Variants in C17orf67 observed in about 807,000 individuals in gnomAD.
C17orf67 encodes chromosome 17 open reading frame 67.
A neutral mutation model predicts 11.2 loss-of-function variants in C17orf67; 12 were observed. The observed-to-expected ratio is 1.07, with a 90% CI of 0.68 to 1.73. The LOEUF is 1.73. Ranked by LOEUF, C17orf67 falls within the 40% of genes most tolerant of loss-of-function variation. C17orf67 has a pLI of 0.00. For synonymous variants in C17orf67, 59 were observed against 46.9 expected (o/e 1.26, Z -1.05); for missense variants, 115 against 113.5 (o/e 1.01, Z -0.06).
At chr17:56,811,558 T>G (rs1905627316) in intron 6 of C17orf67, among the ~76,000 whole-genome samples, 1 of 150,958 alleles carries the variant, frequency 6.6e-6, no homozygotes, top group Non-Finnish European at 1.5e-5. Context: ...CTCGAGACTC[T>G]CTTCTTGCAG....
At chr17:56,826,774 A>T (rs953075078) in intron 2 of C17orf67, among the ~76,000 whole-genome samples, 3 of 152,254 alleles carry the variant, frequency 2.0e-5, no homozygotes, top group African/African-American at 7.2e-5. Flanking sequence ...GACCAAGTTA[A>T]AACAGTGATC....
chr17:56,830,083 C>G (rs1185529512), intron 2 of C17orf67, among the ~76,000 whole-genome samples: 1 of 152,100 alleles, frequency 6.6e-6, no homozygotes, highest in Non-Finnish European at 1.5e-5. Flanking sequence ...GTGGCTCACA[C>G]CTGTAATCCC....
chr17:56,828,813 TGGA>T (rs1450067760), intron 2 of C17orf67, among the ~76,000 whole-genome samples: 1 of 138,504 alleles, frequency 7.2e-6, no homozygotes, highest in East Asian at 2.1e-4. Context: ...GATTCACACA[TGGA>T]GGAGAAATGC....
At chr17:56,816,743 T>C (rs1383828299) in intron 4 of C17orf67, among the ~76,000 whole-genome samples, 1 of 152,208 alleles carries the variant, frequency 6.6e-6, no homozygotes, top group African/African-American at 2.4e-5. Flanking sequence ...TCAAGGGTAT[T>C]TTTATAAGGA....
In C17orf67 at chr17:56,795,166, G is replaced by A. The variant is rs1395953999; in HGVS notation, c.171C>T (p.His57=). Residue 57 remains histidine (H), a synonymous_variant, in exon 7 of 8, where the codon CAC becomes CAT. Coordinates refer to ENST00000397861, the MANE Select transcript of C17orf67 (RefSeq NM_001085430.4). Reference sequence around the variant, plus strand: ...CAGCGCGATGCTCCAGGGCGAGCAGGTGGTGCATGTATTCCTGTCAAAACA... The same window carrying A: ...CAGCGCGATGCTCCAGGGCGAGCAGATGGTGCATGTATTCCTGTCAAAACA... The part of the protein sequence containing the change: ...PDEPMREYMH[H]LLALEHRAEE... 2.5e-6 allele frequency: 4 copies of A among 1,614,010 alleles called. No homozygotes were observed. In the African/African-American group the frequency reaches 5.3e-5, roughly 22 times the overall value.
chr17:56,821,959 A>G lies in C17orf67; in HGVS notation c.-201+2780T>C, dbSNP rs78999354. On this transcript the variant is annotated intron_variant, in intron 4 of 7. Coordinates refer to ENST00000397861, the MANE Select transcript of C17orf67 (RefSeq NM_001085430.4). ...CAAAAAGACCTTCCCCCCGTTGGCTACTGCCCCTTCAAGCTGAGTCTCAGA... is the reference window on the plus strand; with the variant it reads ...CAAAAAGACCTTCCCCCCGTTGGCTGCTGCCCCTTCAAGCTGAGTCTCAGA... Among the ~76,000 whole-genome samples the G allele has an allele frequency of 3.3e-3, 506 of 152,348 alleles. 5 individuals are homozygous for G. Among genetic ancestry groups the G allele is most frequent in the African/African-American group, 0.012 (486 of 41,580 alleles).
At chr17:56,805,506 A>T (rs1168162569) in intron 6 of C17orf67, among the ~76,000 whole-genome samples, 1 of 152,240 alleles carries the variant, frequency 6.6e-6, no homozygotes, top group Admixed American at 6.5e-5. Context: ...TCATGTTCCC[A>T]TGATATCTCT....
At chr17:56,828,866 A>C (rs1287550233) in intron 2 of C17orf67, among the ~76,000 whole-genome samples, 13 of 152,110 alleles carry the variant, frequency 8.5e-5, no homozygotes, top group Non-Finnish European at 1.2e-4. Context: ...AAAAAAAAAA[A>C]AAAACACTGC....
intron 6 of C17orf67, among the ~76,000 whole-genome samples, chr17:56,795,949 A>G (rs1410767577): frequency 6.6e-6 from 1 of 152,254 alleles, no homozygotes; most frequent in East Asian, 1.9e-4. Flanking sequence ...AATATGTGTA[A>G]CTAAATCATG....
At chr17:56,805,254 T>C (rs565755685) in intron 6 of C17orf67, among the ~76,000 whole-genome samples, 2 of 151,986 alleles carry the variant, frequency 1.3e-5, no homozygotes, top group African/African-American at 4.8e-5. Flanking sequence ...TGAATAAGAG[T>C]TAACCAGGTA....
intron 6 of C17orf67, among the ~76,000 whole-genome samples, chr17:56,798,289 G>GT (rs5821150): frequency 1.3e-5 from 2 of 151,638 alleles, no homozygotes; most frequent in East Asian, 1.9e-4. Context: ...TTCTTGTGGG[G>GT]TTTTTTTTAT....
chr17:56,793,381 G>A lies in C17orf67; in HGVS notation c.*21-1029C>T, dbSNP rs367665802. 2.6e-5 allele frequency among the ~76,000 whole-genome samples: 4 copies of A among 152,194 alleles called. No homozygotes were observed. The East Asian group carries it at 7.7e-4, about 29-fold the overall frequency. Reference sequence around the variant, plus strand: ...TATGTAAGTGGGAGCTGCCTGGAGTGAGGCCTCTGAGGAACCCTGTGTTTG... The same window carrying A: ...TATGTAAGTGGGAGCTGCCTGGAGTAAGGCCTCTGAGGAACCCTGTGTTTG... On this transcript the variant is annotated intron_variant, in intron 7 of 7. Transcript: ENST00000397861.
rs1008490554 is a variant in C17orf67 at position 56,815,925 on chromosome 17, C to T, written c.-115G>A. 13 of 1,566,344 alleles carry T rather than the reference C, an allele frequency of 8.3e-6. No individual in the cohort carries two copies. The highest frequency in any genetic ancestry group is 1.3e-5 in the African/African-American group (1 of 74,180). ...TTTATGCTTTGACTAACGGGACTTACGGTATGATGCTGAATGTATCTGACT... is the reference window on the plus strand; with the variant it reads ...TTTATGCTTTGACTAACGGGACTTATGGTATGATGCTGAATGTATCTGACT... On this transcript the variant is annotated 5_prime_UTR_variant, in exon 5 of 8. Transcript: ENST00000397861.
At chr17:56,821,855 G>C (rs898722399) in intron 4 of C17orf67, among the ~76,000 whole-genome samples, 16 of 152,316 alleles carry the variant, frequency 1.1e-4, no homozygotes, top group Non-Finnish European at 1.9e-4. Context: ...GCAGTGGGAT[G>C]GTGGCAGACA....
chr17:56,830,453 G>A (rs1013128953), intron 2 of C17orf67, among the ~76,000 whole-genome samples: 1 of 152,124 alleles, frequency 6.6e-6, no homozygotes, highest in Non-Finnish European at 1.5e-5. Context: ...GATTCAAATA[G>A]TGGATATTTT....
chr17:56,801,221 A>T (rs2197258), intron 6 of C17orf67, among the ~76,000 whole-genome samples: 100,283 of 152,112 alleles, frequency 0.66, 33,248 homozygotes, highest in East Asian at 0.82. Flanking sequence ...CCATACAAAC[A>T]GCAGGCCAAT....
intron 6 of C17orf67, among the ~76,000 whole-genome samples, chr17:56,799,573 C>T (rs1905273794): frequency 2.0e-5 from 3 of 152,210 alleles, no homozygotes; most frequent in Admixed American, 2.0e-4. Context: ...AAGTTTTCAA[C>T]TCCTTTGGGT....
At chr17:56,794,990 G>T (rs1905181466) in intron 7 of C17orf67, 54 bp downstream of exon 7, 1 of 1,299,882 alleles carries the variant, frequency 7.7e-7, no homozygotes, top group Non-Finnish European at 1.1e-6. Context: ...CCCATGCCAT[G>T]CTGTCCCCCA....
chr17:56,833,246 G>C lies in C17orf67; in HGVS notation c.-905C>G, dbSNP rs1906293246. 6.5e-6 allele frequency: 1 copy of C among 153,988 alleles called. No individual in the cohort carries two copies. Among genetic ancestry groups the C allele is most frequent in the African/African-American group, 2.4e-5 (1 of 41,488 alleles). The allele number at this position is 153,988 out of a possible 1,614,324, so 9.5% of individuals were successfully genotyped here. ...CCGCGTCCGCGTTCTCCGGGTAGCT[G>C]ATGTGCTGCAGGCTGCAGCCCGCGT... On this transcript the variant is annotated 5_prime_UTR_variant, in exon 2 of 8. In the 5' UTR this introduces an upstream ATG that the reference lacks. Coordinates refer to ENST00000397861, the MANE Select transcript of C17orf67 (RefSeq NM_001085430.4).
Sources: gnomAD v4.1 joint callset for allele counts (sites outside exome capture counted in the v4.1 genomes callset) on GRCh38, gnomAD v4.1.1 for gene constraint, MANE v1.5 for transcripts, NCBI Gene and HGNC (gene_info 2026-07-23, HGNC 2026-07-21) for gene names.